PRSS12: variants seen among roughly 807,000 people sequenced by gnomAD.
PRSS12 encodes the protein neurotrypsin.
Under a neutral mutation model 104.4 loss-of-function variants are expected in PRSS12, and 85 were observed. The ratio of observed to expected loss-of-function variants is 0.81; its 90% CI spans 0.68 to 0.98. The LOEUF is 0.98. PRSS12 is among the 50% of genes least tolerant of loss of function. PRSS12 has a pLI of 0.00. For missense variants in PRSS12, 1,141 were observed against 1,139.2 expected, an observed-to-expected ratio of 1.00 and a Z score of -0.02; for synonymous variants, 454 against 425.2, an observed-to-expected ratio of 1.07 and a Z score of -0.83.
intron 4 of PRSS12, among the ~76,000 whole-genome samples, chr4:118,326,729 G>C (rs1209299370): frequency 6.6e-6 from 1 of 151,992 alleles, no homozygotes; most frequent in East Asian, 1.9e-4. Flanking sequence ...CCTAAATTGG[G>C]AGCCATAAAC....
chr4:118,351,161 C>G (rs1484621284), intron 1 of PRSS12, among the ~76,000 whole-genome samples: 1 of 152,100 alleles, frequency 6.6e-6, no homozygotes, highest in African/African-American at 2.4e-5. Context: ...TAAAATTTCT[C>G]CAGGAAATGA....
rs1276267748 is a variant in PRSS12, at chr4:118,331,707, A to G, written c.971+9T>C. 6.2e-7 allele frequency: 1 copy of G among 1,614,120 alleles called. No individual in the cohort carries two copies. The highest frequency in any genetic ancestry group is 8.5e-7 in the Non-Finnish European group (1 of 1,180,008). ...AAGTTTAAGCAAAACAAGAGTAGTA[A>G]AAACAAACCTGAGGCCCAGCTGCCT... On this transcript the variant is annotated intron_variant, in intron 4 of 12. Transcript: ENST00000296498.
Position 118,352,867 on chromosome 4 carries a change from A to G in PRSS12, c.-147T>C. 2.1e-6 allele frequency: 3 copies of G among 1,433,754 alleles called. No homozygotes were observed. The highest frequency in any genetic ancestry group is 2.7e-6 in the Non-Finnish European group (3 of 1,095,686). The allele number at this position is 1,433,754 out of a possible 1,614,324, so 88.8% of individuals were successfully genotyped here. A position where few individuals can be genotyped will look rare whatever the true frequency, so the allele number is the denominator to read the frequency against. On this transcript the variant is annotated 5_prime_UTR_variant, in exon 1 of 13. Coordinates refer to ENST00000296498, the MANE Select transcript of PRSS12 (RefSeq NM_003619.4). Reference sequence around the variant, plus strand: ...GCACGCGGACCGCCCTCGCCTCCCCAACCTTGCCTCCCGCCGCTGGTGCCC... The same window carrying G: ...GCACGCGGACCGCCCTCGCCTCCCCGACCTTGCCTCCCGCCGCTGGTGCCC...
intron 4 of PRSS12, among the ~76,000 whole-genome samples, chr4:118,325,243 T>A (rs56710957): frequency 0.29 from 43,626 of 151,048 alleles, 6,689 homozygotes; most frequent in East Asian, 0.39. Context: ...TACTGCGGGA[T>A]GAGAGACGTA....
chr4:118,346,431 T>C (rs1420730382), intron 1 of PRSS12, among the ~76,000 whole-genome samples: 1 of 147,128 alleles, frequency 6.8e-6, no homozygotes, highest in African/African-American at 2.5e-5. Context: ...TTCTTTCCCC[T>C]AAACACTATC....
intron 4 of PRSS12, among the ~76,000 whole-genome samples, chr4:118,320,531 T>C (rs1257533806): frequency 1.3e-5 from 2 of 152,140 alleles, no homozygotes; most frequent in African/African-American, 2.4e-5. Context: ...GTGGGTGGAC[T>C]ACTTGAGCTC....
chr4:118,322,658 G>T (rs1395942831), intron 4 of PRSS12, among the ~76,000 whole-genome samples: 1 of 151,436 alleles, frequency 6.6e-6, no homozygotes, highest in East Asian at 1.9e-4. Flanking sequence ...ATTTGGGGAT[G>T]GAGGCTGAGT....
At chr4:118,316,426 T>A in intron 5 of PRSS12, 103 bp from the exon 6 acceptor site, 1 of 1,415,486 alleles carries the variant, frequency 7.1e-7, no homozygotes, top group East Asian at 2.3e-5. Flanking sequence ...CAGGCCTCAC[T>A]CTAGGCCTTT....
At position 118,352,546 on chromosome 4, in the gene PRSS12, G is replaced by A. The variant is rs1423977226; in HGVS notation, c.175C>T (p.Pro59Ser). The change falls in exon 1 of 13, where the codon CCG becomes TCG. Residue 59 changes from proline to serine, a missense_variant. Physicochemically the swap from Pro to Ser is moderately conservative, Grantham distance 74. Coordinates refer to ENST00000296498, the MANE Select transcript of PRSS12 (RefSeq NM_003619.4). ...CGCGGGAAGCGCGGGAGAGGCGGCG[G>A]CGGACGCGTCCTCGGGGGCCGCTGC... ...TQQRPPRTRPPPPLPRFPRPP... is the reference protein window; with the variant it reads ...TQQRPPRTRPSPPLPRFPRPP... 7 of 1,513,308 alleles carry A rather than the reference G, an allele frequency of 4.6e-6. No homozygotes were observed. The highest frequency in any genetic ancestry group is 5.3e-6 in the Non-Finnish European group (6 of 1,127,774). The allele number at this position is 1,513,308 out of a possible 1,614,324, so 93.7% of individuals were successfully genotyped here.
At chr4:118,335,249 A>G (rs1410762013) in intron 3 of PRSS12, among the ~76,000 whole-genome samples, 1 of 152,128 alleles carries the variant, frequency 6.6e-6, no homozygotes, top group Non-Finnish European at 1.5e-5. Context: ...ATTATATAAA[A>G]TAGAAAATAT....
At chr4:118,326,404 T>C (rs1420439347) in intron 4 of PRSS12, among the ~76,000 whole-genome samples, 4 of 152,174 alleles carry the variant, frequency 2.6e-5, no homozygotes, top group Admixed American at 1.3e-4. Flanking sequence ...GATGCTATTA[T>C]ACCAAATTTA....
intron 6 of PRSS12, among the ~76,000 whole-genome samples, chr4:118,315,062 G>A (rs1168968758): frequency 1.3e-5 from 2 of 151,934 alleles, no homozygotes; most frequent in East Asian, 3.9e-4. Flanking sequence ...CTCTGCCCAA[G>A]AAAAGACAAA....
At chr4:118,312,430 C>A (rs1222543279) in intron 7 of PRSS12, among the ~76,000 whole-genome samples, 1 of 151,958 alleles carries the variant, frequency 6.6e-6, no homozygotes, top group Non-Finnish European at 1.5e-5. Context: ...TGATAGCATA[C>A]AACAAAGTAT....
chr4:118,299,664 G>C (rs895649721), intron 8 of PRSS12, among the ~76,000 whole-genome samples: 1 of 146,016 alleles, frequency 6.8e-6, no homozygotes, highest in East Asian at 2.0e-4. Context: ...TGGGCAACAA[G>C]AGCAAAACTC....
intron 4 of PRSS12, among the ~76,000 whole-genome samples, chr4:118,330,508 A>G (rs1469923665): frequency 6.7e-6 from 1 of 148,712 alleles, no homozygotes; most frequent in African/African-American, 2.5e-5. Context: ...AAACCAAACC[A>G]AAAAAAAACA....
chr4:118,352,315 T>C lies in PRSS12; in HGVS notation c.406A>G (p.Asn136Asp), dbSNP rs1410300552. 1.3e-6 allele frequency: 2 copies of C among 1,597,020 alleles called. No individual in the cohort carries two copies. Among genetic ancestry groups the C allele is most frequent in the East Asian group, 2.3e-5 (1 of 44,424 alleles). The change falls in exon 1 of 13, where the codon AAC becomes GAC. Residue 136 changes from asparagine to aspartate, a missense_variant. Coordinates refer to ENST00000296498, the MANE Select transcript of PRSS12 (RefSeq NM_003619.4). Reference sequence around the variant, plus strand: ...GCGCCGTCGGGGCTCCGACAAAAGTTGTGGCGCTGTCCTCGCAGCTGAGCC... The same window carrying C: ...GCGCCGTCGGGGCTCCGACAAAAGTCGTGGCGCTGTCCTCGCAGCTGAGCC... Reference protein sequence around the residue: ...SWAQLRGQRHNFCRSPDGAGR... With the variant: ...SWAQLRGQRHDFCRSPDGAGR...
chr4:118,282,719 T>G, intron 12 of PRSS12, 112 bp downstream of exon 12: 1 of 1,482,806 alleles, frequency 6.7e-7, no homozygotes, highest in Non-Finnish European at 9.4e-7. Flanking sequence ...CTAAGCAAAA[T>G]TTCTCCAAAT....
intron 4 of PRSS12, 144 bp downstream of exon 4, chr4:118,331,572 C>T: frequency 1.8e-6 from 2 of 1,089,176 alleles, no homozygotes; most frequent in Non-Finnish European, 2.7e-6. Flanking sequence ...CTTCAGGAAG[C>T]CTACAGCCCT....
intron 5 of PRSS12, 126 bp downstream of exon 5, chr4:118,318,252 G>C (rs1028797314): frequency 9.8e-6 from 9 of 922,666 alleles, no homozygotes; most frequent in Non-Finnish European, 1.3e-5. Flanking sequence ...CTTTTTGTTT[G>C]TTTTATTTGG....
Sources: allele counts gnomAD v4.1 joint callset (sites outside exome capture counted in the v4.1 genomes callset), GRCh38; gene constraint gnomAD v4.1.1; transcripts MANE v1.5; gene names NCBI Gene and HGNC (gene_info 2026-07-23, HGNC 2026-07-21).